ACACA: variants seen among roughly 807,000 people sequenced by gnomAD.
The protein encoded by ACACA is acetyl-CoA carboxylase alpha.
ACACA carries 103 observed loss-of-function variants against 296.1 expected under a neutral mutation model. That is an observed-to-expected ratio of 0.35 (90% CI 0.30 to 0.41). The LOEUF is 0.41. ACACA is among the 10% of genes least tolerant of loss of function. The pLI is 1.00. For missense variants in ACACA, 1,554 were observed against 2,989.7 expected, an observed-to-expected ratio of 0.52 and a Z score of 11.20; for synonymous variants, 953 against 1,038.6, an observed-to-expected ratio of 0.92 and a Z score of 1.58.
Position 37,406,327 on chromosome 17 carries a change from C to T in ACACA, c.-28G>A. The T allele has an allele frequency of 6.2e-7, 1 of 1,613,898 alleles. No individual in the cohort carries two copies. The highest frequency in any genetic ancestry group is 8.5e-7 in the Non-Finnish European group (1 of 1,179,778). On this transcript the variant is annotated 5_prime_UTR_variant, in exon 1 of 56. Transcript: ENST00000616317. ...TCTCATCATTGCGCCTCAATTTGGG[C>T]CTCTGAAGCCCAAAGAGGGGATGGT...
intron 1 of ACACA, among the ~76,000 whole-genome samples, chr17:37,375,052 G>A (rs534194928): frequency 2.2e-3 from 337 of 151,938 alleles, no homozygotes; most frequent in African/African-American, 7.7e-3. Flanking sequence ...AAAATTAGCC[G>A]GCAGGGTGGC....
chr17:37,280,247 C>G (rs903570985), intron 5 of ACACA, among the ~76,000 whole-genome samples: 6 of 152,178 alleles, frequency 3.9e-5, no homozygotes, highest in Non-Finnish European at 8.8e-5. Context: ...CTCACTCTGA[C>G]ACCCAGACTG....
Position 37,317,071 on chromosome 17 carries a change from GA to G in ACACA, c.338+13101del, listed in dbSNP as rs755136838. Reference sequence around the variant, plus strand: ...CCTGGGTGACAGAGACCCTGTCACAGAAAAAAAAAAAAAAGAAAAAAAGATT... The same window carrying G: ...CCTGGGTGACAGAGACCCTGTCACAGAAAAAAAAAAAAAGAAAAAAAGATT... On this transcript the variant is annotated intron_variant, in intron 3 of 55. Coordinates refer to ENST00000616317, the MANE Select transcript of ACACA (RefSeq NM_198834.3). Among the ~76,000 whole-genome samples, 161 of 91,960 alleles carry G rather than the reference GA, an allele frequency of 1.8e-3. 1 individual carries two copies. Among genetic ancestry groups the G allele is most frequent in the Middle Eastern group, 7.0e-3 (1 of 142 alleles). 60.3% of individuals were successfully genotyped at this position (91,960 alleles called of 152,430 possible).
intron 45 of ACACA, among the ~76,000 whole-genome samples, chr17:37,132,063 G>A (rs891604333): frequency 2.0e-5 from 3 of 151,996 alleles, no homozygotes; most frequent in South Asian, 2.1e-4. Flanking sequence ...CTGATCTCTC[G>A]GTCACTCAGC....
At chr17:37,292,388 C>G (rs572787010) in intron 3 of ACACA, among the ~76,000 whole-genome samples, 1 of 152,210 alleles carries the variant, frequency 6.6e-6, no homozygotes, top group Admixed American at 6.5e-5. Flanking sequence ...CCCCTTGGAA[C>G]TTTCTAAACA....
intron 3 of ACACA, among the ~76,000 whole-genome samples, chr17:37,316,458 A>G (rs941430138): frequency 6.6e-6 from 1 of 151,580 alleles, no homozygotes; most frequent in Non-Finnish European, 1.5e-5. Context: ...TACTGTTGTG[A>G]GTATTAGAAA....
chr17:37,205,084 A>G (rs1188214944), intron 33 of ACACA, among the ~76,000 whole-genome samples: 3 of 152,168 alleles, frequency 2.0e-5, no homozygotes, highest in Non-Finnish European at 4.4e-5. Context: ...AAGGGTAAAA[A>G]AGACTGCAAA....
chr17:37,185,722 C>A (rs975872290), intron 39 of ACACA, among the ~76,000 whole-genome samples: 1 of 151,896 alleles, frequency 6.6e-6, no homozygotes, highest in Non-Finnish European at 1.5e-5. Context: ...GCCCCTGCCA[C>A]CACTCCCGGC....
intron 3 of ACACA, among the ~76,000 whole-genome samples, chr17:37,325,579 CTTTT>C (rs1156553256): frequency 3.8e-4 from 26 of 67,928 alleles, no homozygotes; most frequent in African/African-American, 1.5e-3. Flanking sequence ...TCTTTTCTTT[CTTTT>C]TTTTTTTTTT....
intron 3 of ACACA, among the ~76,000 whole-genome samples, chr17:37,298,319 CTAAGT>C (rs1208603176): frequency 1.1e-4 from 16 of 152,092 alleles, no homozygotes; most frequent in African/African-American, 3.6e-4. Flanking sequence ...CTGTCTTTGC[CTAAGT>C]TTAGTTTAAC....
intron 1 of ACACA, among the ~76,000 whole-genome samples, chr17:37,375,061 G>C (rs1200675099): frequency 6.6e-6 from 1 of 151,982 alleles, no homozygotes; most frequent in Non-Finnish European, 1.5e-5. Flanking sequence ...CGGCAGGGTG[G>C]CACACACATT....
intron 52 of ACACA, among the ~76,000 whole-genome samples, chr17:37,110,243 G>A (rs150440930): frequency 2.9e-4 from 44 of 152,374 alleles, no homozygotes; most frequent in African/African-American, 1.0e-3. Context: ...TAAGTGAGAT[G>A]CTTATCAGTG....
intron 1 of ACACA, chr17:37,377,819 A>G (rs2050073375): frequency 7.3e-7 from 1 of 1,374,098 alleles, no homozygotes; most frequent in Non-Finnish European, 1.0e-6. Context: ...AAGTACCAGT[A>G]AATTCTGATT....
intron 49 of ACACA, among the ~76,000 whole-genome samples, chr17:37,122,294 G>A (rs535906945): frequency 2.0e-5 from 3 of 152,284 alleles, no homozygotes; most frequent in East Asian, 3.9e-4. Flanking sequence ...AAAAGTATAC[G>A]TTTTCTAGCA....
chr17:37,132,730 A>G (rs1244815639), intron 45 of ACACA, among the ~76,000 whole-genome samples: 3 of 152,174 alleles, frequency 2.0e-5, no homozygotes, highest in Admixed American at 1.3e-4. Context: ...AGAATCTTAC[A>G]CATCTCCAAA....
chr17:37,368,447 G>A (rs894811872), intron 1 of ACACA, among the ~76,000 whole-genome samples: 6 of 151,800 alleles, frequency 4.0e-5, no homozygotes, highest in Non-Finnish European at 1.5e-5. Flanking sequence ...TGGGCATGGT[G>A]GCGGGAACCT....
intron 3 of ACACA, among the ~76,000 whole-genome samples, chr17:37,321,118 A>G (rs1030201264): frequency 1.3e-5 from 2 of 152,144 alleles, no homozygotes; most frequent in Non-Finnish European, 2.9e-5. Flanking sequence ...CTAATTAGCC[A>G]CTGAGAAAAC....
At chr17:37,298,549 T>C (rs2083464894) in intron 3 of ACACA, among the ~76,000 whole-genome samples, 1 of 152,018 alleles carries the variant, frequency 6.6e-6, no homozygotes, top group South Asian at 2.1e-4. Flanking sequence ...TAGCCAGGCA[T>C]GATGGTGCAT....
chr17:37,168,591 C>G lies in ACACA; in HGVS notation c.5080-6541G>C, dbSNP rs1187495867. On this transcript the variant is annotated intron_variant, in intron 41 of 55. Coordinates refer to ENST00000616317, the MANE Select transcript of ACACA (RefSeq NM_198834.3). The stretch of plus-strand genomic sequence containing the variant: ...ATTGATTTCCCATATTTTAGAGGAA[C>G]TAATTCTAGATTTTAGTCATACTAC... Among the ~76,000 whole-genome samples the G allele has an allele frequency of 2.6e-5, 4 of 151,486 alleles. No homozygotes were observed. The East Asian group carries it at 7.7e-4, about 29-fold the overall frequency.
Sources: gnomAD v4.1 joint callset for allele counts (sites outside exome capture counted in the v4.1 genomes callset) on GRCh38, gnomAD v4.1.1 for gene constraint, MANE v1.5 for transcripts, NCBI Gene and HGNC (gene_info 2026-07-23, HGNC 2026-07-21) for gene names.